The following FAM110B variants were observed in gnomAD, a reference collection of about 807,000 sequenced individuals.
FAM110B encodes protein FAM110B.
Under a neutral mutation model 20.4 loss-of-function variants are expected in FAM110B, and 6 were observed. That is an observed-to-expected ratio of 0.29 (90% CI 0.16 to 0.58). The LOEUF is 0.58. FAM110B is among the 20% of genes least tolerant of loss of function. The pLI is 0.90. For missense variants in FAM110B, 434 were observed against 498.2 expected (o/e 0.87, Z 1.23); for synonymous variants, 226 against 214.1 (o/e 1.06, Z -0.49).
rs146174194 is a variant in FAM110B at position 58,123,840 on chromosome 8, C to T, written c.-324-22067C>T. 3.0e-3 allele frequency among the ~76,000 whole-genome samples: 453 copies of T among 152,270 alleles called. 3 individuals carry two copies. The highest frequency in any genetic ancestry group is 0.01 in the African/African-American group (433 of 41,562). On this transcript the variant is annotated intron_variant, in intron 3 of 3. Transcript: ENST00000519262. ...GATTCTGAGGTACACTTTCCCGCTG[C>T]GCATACTTCCTTTGGAAGACAGAAT...
rs1032111708 is a variant in FAM110B at position 58,116,931 on chromosome 8, C to T, written c.-324-28976C>T. On this transcript the variant is annotated intron_variant, in intron 3 of 3. Transcript: ENST00000519262. ...CAAAACCATTTCAAGCTTCTTAACG[C>T]GATGCACACAGCATTTGGGGGCTGC... Among the ~76,000 whole-genome samples, 9 of 152,152 alleles carry T rather than the reference C, an allele frequency of 5.9e-5. No individual in the cohort carries two copies. The South Asian group carries it at 6.2e-4, about 11-fold the overall frequency.
chr8:58,005,521 A>G (rs1477637037), intron 1 of FAM110B, among the ~76,000 whole-genome samples: 2 of 152,212 alleles, frequency 1.3e-5, no homozygotes, highest in Non-Finnish European at 2.9e-5. Context: ...TTCTATTTGT[A>G]AAAAAACATT....
At chr8:58,019,986 G>T (rs1417038490) in intron 1 of FAM110B, among the ~76,000 whole-genome samples, 1 of 151,404 alleles carries the variant, frequency 6.6e-6, no homozygotes, top group African/African-American at 2.4e-5. Context: ...GTATTATCTT[G>T]CAAGTCACTT....
intron 2 of FAM110B, among the ~76,000 whole-genome samples, chr8:58,056,658 A>G (rs1780880255): frequency 6.6e-6 from 1 of 152,216 alleles, no homozygotes; most frequent in African/African-American, 2.4e-5. Context: ...TAGTTTGTTC[A>G]GGTTCATGTG....
At chr8:58,141,087 A>G (rs543113483) in intron 3 of FAM110B, among the ~76,000 whole-genome samples, 5 of 152,312 alleles carry the variant, frequency 3.3e-5, no homozygotes, top group African/African-American at 1.2e-4. Flanking sequence ...GGGAAACTGC[A>G]TTTTTACTTC....
chr8:58,084,794 C>G (rs1806291712), intron 3 of FAM110B, among the ~76,000 whole-genome samples: 1 of 152,088 alleles, frequency 6.6e-6, no homozygotes, highest in Admixed American at 6.5e-5. Flanking sequence ...CACTCTTTAC[C>G]TATTCATGGG....
At chr8:58,019,946 C>T (rs999018035) in intron 1 of FAM110B, among the ~76,000 whole-genome samples, 21 of 151,908 alleles carry the variant, frequency 1.4e-4, no homozygotes, top group Admixed American at 6.6e-5. Flanking sequence ...TTTCTCCTCT[C>T]CTCTAATTGC....
At chr8:58,057,170 C>T (rs1265447969) in intron 2 of FAM110B, among the ~76,000 whole-genome samples, 3 of 152,178 alleles carry the variant, frequency 2.0e-5, no homozygotes, top group Non-Finnish European at 4.4e-5. Flanking sequence ...GCCTAGAGGG[C>T]TCTGCTCCTC....
intron 1 of FAM110B, among the ~76,000 whole-genome samples, chr8:58,005,517 T>C (rs1804384012): frequency 6.6e-6 from 1 of 152,244 alleles, no homozygotes; most frequent in Admixed American, 6.5e-5. Flanking sequence ...GACCTTCTAT[T>C]TGTAAAAAAA....
chr8:58,081,115 A>T (rs7006872), intron 3 of FAM110B, among the ~76,000 whole-genome samples: 8,417 of 152,202 alleles, frequency 0.055, 777 homozygotes, highest in African/African-American at 0.19. Context: ...CTTCATCACC[A>T]AACAACCCCA....
intron 3 of FAM110B, among the ~76,000 whole-genome samples, chr8:58,105,192 GAGA>G (rs1806877850): frequency 6.6e-6 from 1 of 152,062 alleles, no homozygotes; most frequent in Non-Finnish European, 1.5e-5. Flanking sequence ...CCTAAGGTTT[GAGA>G]ACAAGCTCTG....
In FAM110B at chr8:57,994,701, C is replaced by G. The variant is rs1804141638; in HGVS notation, c.-617C>G. On this transcript the variant is annotated 5_prime_UTR_variant, in exon 1 of 4. Transcript: ENST00000519262. ...CACTCGGCGGCCCCTACAGCCCGCT[C>G]TCGGCCCTTCGTCCCTCGCGGGCCC... The G allele has an allele frequency of 6.6e-6, 1 of 152,220 alleles. No homozygotes were observed. Among genetic ancestry groups the G allele is most frequent in the Admixed American group, 6.5e-5 (1 of 15,286 alleles). The allele number at this position is 152,220 out of a possible 1,614,324, so 9.4% of individuals were successfully genotyped here.
chr8:58,082,784 C>T (rs989633647), intron 3 of FAM110B, among the ~76,000 whole-genome samples: 6 of 151,092 alleles, frequency 4.0e-5, no homozygotes, highest in Non-Finnish European at 8.8e-5. Flanking sequence ...TCGAGATCAG[C>T]GTGGGCAACA....
Position 58,097,061 on chromosome 8 carries a change from T to G in FAM110B, c.-325+21438T>G, listed in dbSNP as rs571325342. ...CGAGGAGTATCTTCGTGGTGTTCAC[T>G]GTATTTCCTGAATTTGAATGTTGGC... On this transcript the variant is annotated intron_variant, in intron 3 of 3. Transcript: ENST00000519262. Among the ~76,000 whole-genome samples the G allele has an allele frequency of 2.6e-5, 4 of 152,310 alleles. No individual in the cohort carries two copies. In the South Asian group the frequency reaches 6.2e-4, roughly 24 times the overall value.
rs1803927518 is a variant in FAM110B at position 58,148,650 on chromosome 8, A to G, written c.*1307A>G. Reference sequence around the variant, plus strand: ...CACATCTGAAGTTCTCAGCAGCACTACCTTAGACTTCATGAGCTAATAGGA... The same window carrying G: ...CACATCTGAAGTTCTCAGCAGCACTGCCTTAGACTTCATGAGCTAATAGGA... On this transcript the variant is annotated 3_prime_UTR_variant, in exon 4 of 4. Transcript: ENST00000519262. The G allele has an allele frequency of 6.0e-6, 1 of 167,102 alleles. No individual in the cohort carries two copies. The highest frequency in any genetic ancestry group is 2.4e-5 in the African/African-American group (1 of 41,460). The allele number at this position is 167,102 out of a possible 1,614,324, so 10.4% of individuals were successfully genotyped here.
At chr8:58,073,269 C>T (rs551419964) in intron 2 of FAM110B, among the ~76,000 whole-genome samples, 6 of 151,944 alleles carry the variant, frequency 3.9e-5, no homozygotes, top group Non-Finnish European at 7.4e-5. Context: ...TAGGGCTGCA[C>T]GAGGCAGACA....
rs559831114 is a variant in FAM110B, at chr8:58,001,740, C to A, written c.-512+6934C>A. ...GCAAATACCTTTATACGTTTTGTGC[C>A]AGAGATACTTAAGTATCTTCATTTT... On this transcript the variant is annotated intron_variant, in intron 1 of 3. Transcript: ENST00000519262. Among the ~76,000 whole-genome samples, 149 of 152,174 alleles carry A rather than the reference C, an allele frequency of 9.8e-4. 1 individual carries two copies. The highest frequency in any genetic ancestry group is 3.4e-3 in the African/African-American group (143 of 41,520).
intron 3 of FAM110B, among the ~76,000 whole-genome samples, chr8:58,130,804 G>A (rs964876383): frequency 6.6e-6 from 1 of 152,206 alleles, no homozygotes; most frequent in Non-Finnish European, 1.5e-5. Flanking sequence ...CTGTCTTACA[G>A]ATGATGAAAT....
intron 3 of FAM110B, among the ~76,000 whole-genome samples, chr8:58,108,874 T>G (rs1806984031): frequency 6.6e-6 from 1 of 152,180 alleles, no homozygotes; most frequent in Admixed American, 6.5e-5. Flanking sequence ...TGGAAGTAAT[T>G]TATTCTCAAC....
Sources: allele counts gnomAD v4.1 joint callset (sites outside exome capture counted in the v4.1 genomes callset), GRCh38; gene constraint gnomAD v4.1.1; transcripts MANE v1.5; gene names NCBI Gene and HGNC (gene_info 2026-07-23, HGNC 2026-07-21).